Variants in ADAT3 observed in about 807,000 individuals in gnomAD.
The protein encoded by ADAT3 is adenosine deaminase tRNA specific 3.
A neutral mutation model predicts 3.5 loss-of-function variants in ADAT3; 2 were observed. That is an observed-to-expected ratio of 0.57 (90% CI 0.23 to 1.79). ADAT3 has a LOEUF of 1.79. Ranked by LOEUF, ADAT3 falls within the 40% of genes most tolerant of loss-of-function variation. The pLI, the probability that ADAT3 is intolerant of heterozygous loss-of-function variation, is 0.18. For missense variants in ADAT3, 735 were observed against 571.4 expected, an observed-to-expected ratio of 1.29 and a Z score of -2.92; for synonymous variants, 358 against 270.3, an observed-to-expected ratio of 1.32 and a Z score of -3.18.
chr19:1,908,575 GGCT>G lies in ADAT3; in HGVS notation c.-159+3137_-159+3139del, dbSNP rs2013266537. 2.1e-6 allele frequency: 1 copy of G among 471,032 alleles called. No homozygotes were observed. The highest frequency in any genetic ancestry group is 4.4e-6 in the Non-Finnish European group (1 of 227,052). The allele number at this position is 471,032 out of a possible 1,614,324, so 29.2% of individuals were successfully genotyped here. A position where few individuals can be genotyped will look rare whatever the true frequency, so the allele number is the denominator to read the frequency against. On this transcript the variant is annotated intron_variant, in intron 1 of 1. Transcript: ENST00000329478. The surrounding 1 kb of genome is among the most constrained non-coding windows in gnomAD (Gnocchi z 4.2). The stretch of plus-strand genomic sequence containing the variant: ...CTGGAGTCATTTTAAGATCATCTGC[GGCT>G]TAGCCCCAGCACCATCTGAGGCAGT...
intron 1 of ADAT3, chr19:1,905,826 T>A (rs2013083401): frequency 6.6e-6 from 1 of 152,414 alleles, no homozygotes. Flanking sequence ...CGAGTTTCCG[T>A]AGCCTTCGCG....
chr19:1,913,239 G>C lies in ADAT3; in HGVS notation c.*88G>C, dbSNP rs372537473. The stretch of plus-strand genomic sequence containing the variant: ...CCGGGCCTCGATTTCTTCCGCACAA[G>C]CCTGACCGTGGATTTCAGGGACACA... On this transcript the variant is annotated 3_prime_UTR_variant, in exon 2 of 2. Transcript: ENST00000329478. 6.9e-7 allele frequency: 1 copy of C among 1,442,874 alleles called. No individual in the cohort carries two copies. Among genetic ancestry groups the C allele is most frequent in the Non-Finnish European group, 9.1e-7 (1 of 1,094,678 alleles). 89.4% of individuals were successfully genotyped at this position (1,442,874 alleles called of 1,614,324 possible). A position where few individuals can be genotyped will look rare whatever the true frequency, so the allele number is the denominator to read the frequency against.
chr19:1,910,822 G>A (rs148952582), intron 1 of ADAT3, among the ~76,000 whole-genome samples: 2,680 of 151,604 alleles, frequency 0.018, 73 homozygotes, highest in African/African-American at 0.059. Flanking sequence ...TGATCTGCCC[G>A]CCTCAGCCTC....
chr19:1,908,580 AG>A lies in ADAT3; in HGVS notation c.-159+3142del, dbSNP rs932576844. On this transcript the variant is annotated intron_variant, in intron 1 of 1. Transcript: ENST00000329478. This position sits in a 1 kb window ranked among gnomAD's most constrained non-coding sequence, Gnocchi z 4.2. The stretch of plus-strand genomic sequence containing the variant: ...GTCATTTTAAGATCATCTGCGGCTT[AG>A]CCCCAGCACCATCTGAGGCAGTACT... 1.3e-5 allele frequency: 6 copies of A among 471,042 alleles called. No homozygotes were observed. Among genetic ancestry groups the A allele is most frequent in the Admixed American group, 9.4e-5 (4 of 42,562 alleles). The allele number at this position is 471,042 out of a possible 1,614,324, so 29.2% of individuals were successfully genotyped here. A position where few individuals can be genotyped will look rare whatever the true frequency, so the allele number is the denominator to read the frequency against.
At chr19:1,905,726 G>A (rs8100159) in intron 1 of ADAT3, 1 of 152,182 alleles carries the variant, frequency 6.6e-6, no homozygotes. Context: ...CCTTATGGTC[G>A]GTGCGGGAGA....
At chr19:1,911,452 G>A (rs974124431) in intron 1 of ADAT3, among the ~76,000 whole-genome samples, 5 of 152,214 alleles carry the variant, frequency 3.3e-5, no homozygotes, top group East Asian at 3.8e-4. Flanking sequence ...GATTACAGGC[G>A]TGAGCCGCTG....
chr19:1,910,812 T>C (rs998307703), intron 1 of ADAT3, among the ~76,000 whole-genome samples: 1 of 151,872 alleles, frequency 6.6e-6, no homozygotes, highest in Admixed American at 6.6e-5. Flanking sequence ...CGTGGCCTCA[T>C]GATCTGCCCG....
chr19:1,912,311 GCCTCA>G lies in ADAT3; in HGVS notation c.270_274del (p.His90GlnfsTer33). On this transcript the variant is annotated frameshift_variant, in exon 2 of 2. Coordinates refer to ENST00000329478, the MANE Select transcript of ADAT3 (RefSeq NM_138422.4). LOFTEE classifies it low-confidence loss of function (END_TRUNC). Reference sequence around the variant, plus strand: ...CGGCCCTGCACCCGCTCCCCGCCCAGCCTCACCTCAAGCGGGTGCGGCCCAGCCGC... The same window carrying G: ...CGGCCCTGCACCCGCTCCCCGCCCAGCCTCAAGCGGGTGCGGCCCAGCCGC... The G allele has an allele frequency of 6.4e-7, 1 of 1,558,500 alleles. No homozygotes were observed. The highest frequency in any genetic ancestry group is 8.6e-7 in the Non-Finnish European group (1 of 1,158,652).
rs1377269892 is a variant in ADAT3, at chr19:1,908,481, T to C, written c.-159+3042T>C. ...GCGAAATGATCCAGAGACACATCCC[T>C]GTCTGCGGGAGGAGCCGTCCATACC... On this transcript the variant is annotated intron_variant, in intron 1 of 1. Transcript: ENST00000329478. This position sits in a 1 kb window ranked among gnomAD's most constrained non-coding sequence, Gnocchi z 4.2. 2.1e-6 allele frequency: 1 copy of C among 470,856 alleles called. No individual in the cohort carries two copies. The highest frequency in any genetic ancestry group is 4.4e-6 in the Non-Finnish European group (1 of 227,004). 29.2% of individuals were successfully genotyped at this position (470,856 alleles called of 1,614,324 possible). A position where few individuals can be genotyped will look rare whatever the true frequency, so the allele number is the denominator to read the frequency against.
intron 1 of ADAT3, chr19:1,906,866 T>TGGTGTGTGTGTGTGTGTGTG (rs1555836653): frequency 0.016 from 2,053 of 130,054 alleles, 49 homozygotes; most frequent in Admixed American, 0.046. Context: ...AAAAAAAAAA[T>TGGTGTGTGTGTGTGTGTGTG]TGTGTGTGTG....
In ADAT3 at chr19:1,913,068, G is replaced by A. The variant is rs762106841; in HGVS notation, c.1021G>A (p.Ala341Thr). 5 of 1,602,116 alleles carry A rather than the reference G, an allele frequency of 3.1e-6. No individual in the cohort carries two copies. The highest frequency in any genetic ancestry group is 2.2e-5 in the East Asian group (1 of 44,798). Residue 341 changes from alanine (A) to threonine (T), a missense_variant, in exon 2 of 2, where the codon GCA becomes ACA. Ala to Thr is a moderately conservative substitution (Grantham distance 58). Coordinates refer to ENST00000329478, the MANE Select transcript of ADAT3 (RefSeq NM_138422.4). ...GALGTRFRIHARPDLNHRFQV... is the reference protein window; with the variant it reads ...GALGTRFRIHTRPDLNHRFQV... Reference sequence around the variant, plus strand: ...CCTGGGCACCCGCTTCCGCATCCACGCACGGCCCGACCTCAACCACCGCTT... The same window carrying A: ...CCTGGGCACCCGCTTCCGCATCCACACACGGCCCGACCTCAACCACCGCTT...
Position 1,912,734 on chromosome 19 carries a change from C to A in ADAT3, c.687C>A (p.Asp229Glu), listed in dbSNP as rs1275716955. Residue 229 changes from aspartate (D) to glutamate (E), a missense_variant, in exon 2 of 2, where the codon GAC becomes GAA. Transcript: ENST00000329478. ...ASDRVLATGH[D>E]CSCADNPLLH... ...ACCGCGTGCTGGCCACCGGCCACGACTGCAGCTGCGCGGACAACCCCCTCC... is the reference window on the plus strand; with the variant it reads ...ACCGCGTGCTGGCCACCGGCCACGAATGCAGCTGCGCGGACAACCCCCTCC... 6.5e-6 allele frequency: 10 copies of A among 1,536,398 alleles called. No individual in the cohort carries two copies. The highest frequency in any genetic ancestry group is 8.7e-7 in the Non-Finnish European group (1 of 1,149,084).
intron 1 of ADAT3, 53 bp from the exon 2 acceptor site, chr19:1,911,837 A>G (rs1489541839): frequency 2.2e-6 from 1 of 463,350 alleles, no homozygotes; most frequent in Admixed American, 4.3e-5. Flanking sequence ...TGGTAGGTGA[A>G]TTATATCTTC....
Position 1,913,093 on chromosome 19 carries a change from TC to T in ADAT3, c.1048del (p.Gln350ArgfsTer?). 1 of 1,599,060 alleles carries T rather than the reference TC, an allele frequency of 6.3e-7. No homozygotes were observed. The highest frequency in any genetic ancestry group is 8.5e-7 in the Non-Finnish European group (1 of 1,177,276). ...GCACGGCCCGACCTCAACCACCGCT[TC>T]CAGGTGTTCCGCGGGGTGCTGGAGG... ...IHARPDLNHRFQVFRGVLEEQ... is the reference protein window; with the variant it reads ...IHARPDLNHRXQVFRGVLEEQ... On this transcript the variant is annotated frameshift_variant, in exon 2 of 2. Transcript: ENST00000329478. LOFTEE classifies it high-confidence loss of function.
chr19:1,911,707 C>G (rs1013315653), intron 1 of ADAT3, among the ~76,000 whole-genome samples, 183 bp from the exon 2 acceptor site: 2 of 152,244 alleles, frequency 1.3e-5, no homozygotes, highest in South Asian at 2.1e-4. Flanking sequence ...AGCTTGAACC[C>G]GGGAGGCGGA....
chr19:1,911,793 A>C (rs2013462730), intron 1 of ADAT3, 97 bp from the exon 2 acceptor site: 2 of 407,652 alleles, frequency 4.9e-6, no homozygotes, highest in East Asian at 3.7e-5. Flanking sequence ...AAGTAAAAAA[A>C]TAAAATAAAA....
Position 1,912,661 on chromosome 19 carries a change from C to T in ADAT3, c.614C>T (p.Ala205Val), listed in dbSNP as rs2145438183. 1 of 1,434,922 alleles carries T rather than the reference C, an allele frequency of 7.0e-7. No homozygotes were observed. The highest frequency in any genetic ancestry group is 9.1e-7 in the Non-Finnish European group (1 of 1,104,754). 88.9% of individuals were successfully genotyped at this position (1,434,922 alleles called of 1,614,324 possible). A position where few individuals can be genotyped will look rare whatever the true frequency, so the allele number is the denominator to read the frequency against. ...RAVWAARRAAARGLRAVGAVV... is the reference protein window; with the variant it reads ...RAVWAARRAAVRGLRAVGAVV... ...GTGTGGGCGGCCCGGCGGGCAGCAG[C>T]GCGGGGCTTGCGGGCCGTGGGGGCC... Residue 205 changes from alanine to valine, a missense_variant, in exon 2 of 2, where the codon GCG becomes GTG. Ala to Val is a moderately conservative substitution (Grantham distance 64, BLOSUM62 0). Transcript: ENST00000329478.
Position 1,908,119 on chromosome 19 carries a change from C to T in ADAT3, c.-159+2680C>T. ...GTGGAGTGTTTGTGGCCTAGCAGGG[C>T]CGTGCGGGCCTCTCGGTCCTGGTCG... On this transcript the variant is annotated intron_variant, in intron 1 of 1. Transcript: ENST00000329478. This position sits in a 1 kb window ranked among gnomAD's most constrained non-coding sequence, Gnocchi z 4.2. 1 of 223,916 alleles carries T rather than the reference C, an allele frequency of 4.5e-6. No homozygotes were observed. The highest frequency in any genetic ancestry group is 5.3e-5 in the South Asian group (1 of 18,946). The allele number at this position is 223,916 out of a possible 1,614,324, so 13.9% of individuals were successfully genotyped here.
rs2013576506 is a variant in ADAT3, at chr19:1,913,032, C to A, written c.985C>A (p.Pro329Thr). Residue 329 changes from proline (P) to threonine (T), a missense_variant, in exon 2 of 2, where the codon CCC becomes ACC. Transcript: ENST00000329478. Reference sequence around the variant, plus strand: ...GCGCGTCTTCTACGGTGCGCCCTCGCCCGACGGCGCCCTGGGCACCCGCTT... The same window carrying A: ...GCGCGTCTTCTACGGTGCGCCCTCGACCGACGGCGCCCTGGGCACCCGCTT... ...ILRVFYGAPS[P>T]DGALGTRFRI... 1.2e-6 allele frequency: 2 copies of A among 1,604,092 alleles called. No homozygotes were observed. The highest frequency in any genetic ancestry group is 8.5e-7 in the Non-Finnish European group (1 of 1,179,118).
Sources: allele counts gnomAD v4.1 joint callset (sites outside exome capture counted in the v4.1 genomes callset), GRCh38; gene constraint gnomAD v4.1.1; non-coding constraint Gnocchi (gnomAD v3.1); transcripts MANE v1.5; gene names NCBI Gene and HGNC (gene_info 2026-07-23, HGNC 2026-07-21).